PLEKHH1: variants seen among roughly 807,000 people sequenced by gnomAD.
The protein encoded by PLEKHH1 is pleckstrin homology, MyTH4 and FERM domain containing H1.
A neutral mutation model predicts 160.0 loss-of-function variants in PLEKHH1; 104 were observed. The observed-to-expected ratio is 0.65, with a 90% CI of 0.55 to 0.76. The LOEUF (loss-of-function observed/expected upper bound fraction) is 0.76. Ranked by LOEUF, PLEKHH1 falls within the 30% of genes least tolerant of loss-of-function variation. The pLI, the probability that PLEKHH1 is intolerant of heterozygous loss-of-function variation, is 0.00. For missense variants in PLEKHH1, 1,427 were observed against 1,724.1 expected, an observed-to-expected ratio of 0.83 and a Z score of 3.05; for synonymous variants, 619 against 678.4, an observed-to-expected ratio of 0.91 and a Z score of 1.36.
intron 4 of PLEKHH1, 129 bp downstream of exon 4, chr14:67,557,547 T>C: frequency 1.3e-6 from 1 of 758,676 alleles, no homozygotes; most frequent in Non-Finnish European, 2.0e-6. Flanking sequence ...GCCTATTCTT[T>C]TATGTGAAAA....
chr14:67,542,029 C>A, intron 2 of PLEKHH1, 36 bp downstream of exon 2: 4 of 1,558,522 alleles, frequency 2.6e-6, no homozygotes, highest in Non-Finnish European at 3.5e-6. Flanking sequence ...CCTCTCCACA[C>A]GCAGAGGTTT....
At chr14:67,541,183 T>G (rs532470929) in intron 1 of PLEKHH1, among the ~76,000 whole-genome samples, 13 of 152,256 alleles carry the variant, frequency 8.5e-5, no homozygotes, top group Non-Finnish European at 1.8e-4. Context: ...CATTATATTT[T>G]GTTTCCATTT....
Position 67,574,112 on chromosome 14 carries a change from AAGG to A in PLEKHH1, c.1927-126_1927-124del. On this transcript the variant is annotated intron_variant, in intron 13 of 28. Coordinates refer to ENST00000329153, the MANE Select transcript of PLEKHH1 (RefSeq NM_020715.3). The surrounding 1 kb of genome is among the most constrained non-coding windows in gnomAD (Gnocchi z 4.2). ...GGAGGAAAAGATGAGGAGGAAAAGA[AAGG>A]AGGGAGCACTAGGGCAGGCAGAAGG... 1.3e-6 allele frequency: 1 copy of A among 777,916 alleles called. No individual in the cohort carries two copies. The highest frequency in any genetic ancestry group is 2.1e-6 in the Non-Finnish European group (1 of 486,320). The allele number at this position is 777,916 out of a possible 1,614,324, so 48.2% of individuals were successfully genotyped here.
At chr14:67,559,541 C>T (rs1476192309) in intron 4 of PLEKHH1, 67 bp from the exon 5 acceptor site, 5 of 1,153,246 alleles carry the variant, frequency 4.3e-6, no homozygotes, top group Non-Finnish European at 6.4e-6. Flanking sequence ...CTTGGGGTTT[C>T]CCACCTCCAG....
Position 67,573,925 on chromosome 14 carries a change from G to C in PLEKHH1, c.1926+38G>C, listed in dbSNP as rs1355479370. ...CTGGCTGCTAGTATTTTAAACAGAA[G>C]AGGTGCTGGGTTTGGATATGGCCGT... On this transcript the variant is annotated intron_variant, in intron 13 of 28. Coordinates refer to ENST00000329153, the MANE Select transcript of PLEKHH1 (RefSeq NM_020715.3). This position sits in a 1 kb window ranked among gnomAD's most constrained non-coding sequence, Gnocchi z 4.8. The C allele has an allele frequency of 2.7e-6, 4 of 1,470,468 alleles. No individual in the cohort carries two copies. Among genetic ancestry groups the C allele is most frequent in the Non-Finnish European group, 3.8e-6 (4 of 1,048,696 alleles). The allele number at this position is 1,470,468 out of a possible 1,614,324, so 91.1% of individuals were successfully genotyped here.
intron 2 of PLEKHH1, among the ~76,000 whole-genome samples, chr14:67,545,512 A>T (rs1473631686): frequency 6.6e-6 from 1 of 152,228 alleles, no homozygotes; most frequent in Non-Finnish European, 1.5e-5. Flanking sequence ...TATTAAATAC[A>T]GATAGGGACA....
chr14:67,562,824 G>A lies in PLEKHH1; in HGVS notation c.1193G>A (p.Gly398Glu). 6.2e-7 allele frequency: 1 copy of A among 1,613,794 alleles called. No individual in the cohort carries two copies. Among genetic ancestry groups the A allele is most frequent in the South Asian group, 1.1e-5 (1 of 91,024 alleles). The change falls in exon 7 of 29, where the codon GGA (glycine) becomes GAA (glutamate). Residue 398 changes from glycine (G) to glutamate (E), a missense_variant. By Grantham distance (98) the Gly-to-Glu change is moderately conservative. This residue lies in a region of PLEKHH1 where 831 missense variants were observed against 929.2 expected (regional missense o/e 0.89). Transcript: ENST00000329153. ...GAAAGAGAGAGCCCAAAGGCCCTTGGAGCTGAGCTGGAGGAAGTGGAGCTG... is the reference window on the plus strand; with the variant it reads ...GAAAGAGAGAGCCCAAAGGCCCTTGAAGCTGAGCTGGAGGAAGTGGAGCTG... The part of the protein sequence containing the change: ...NEERESPKAL[G>E]AELEEVELGN...
At chr14:67,544,778 A>G (rs1437649687) in intron 2 of PLEKHH1, among the ~76,000 whole-genome samples, 1 of 152,234 alleles carries the variant, frequency 6.6e-6, no homozygotes, top group Non-Finnish European at 1.5e-5. Context: ...ACCATGGAAG[A>G]TAGACTTAAT....
rs775469500 is a variant in PLEKHH1 at position 67,541,906 on chromosome 14, C to T, written c.39C>T (p.Asp13=). 5 of 1,604,786 alleles carry T rather than the reference C, an allele frequency of 3.1e-6. No homozygotes were observed. The highest frequency in any genetic ancestry group is 4.3e-6 in the Non-Finnish European group (5 of 1,175,788). Residue 13 remains aspartate (D), a synonymous_variant, in exon 2 of 29, where the codon GAC becomes GAT. Transcript: ENST00000329153. The part of the protein sequence containing the change: ...ELKVEAPASV[D]WQKRCLTLET... ...AGGTGGAGGCGCCGGCCAGCGTAGA[C>T]TGGCAGAAACGCTGCCTGACCCTGG...
At chr14:67,546,878 A>T (rs531678492) in intron 2 of PLEKHH1, among the ~76,000 whole-genome samples, 56 of 151,966 alleles carry the variant, frequency 3.7e-4, no homozygotes, top group African/African-American at 1.0e-3. Context: ...ATATATATAT[A>T]TTTTTTCTCT....
chr14:67,541,045 A>C (rs2033945593), intron 1 of PLEKHH1, among the ~76,000 whole-genome samples: 1 of 152,178 alleles, frequency 6.6e-6, no homozygotes, highest in South Asian at 2.1e-4. Flanking sequence ...AATATCTAGC[A>C]GTTTTCTGGT....
rs755313093 is a variant in PLEKHH1, at chr14:67,571,748, G to A, written c.1435-4G>A. Reference sequence around the variant, plus strand: ...CTGCAGTGAGGGAGGGGCCTGTCTTGCAGAGAGCTACACAGATCAGCAACA... The same window carrying A: ...CTGCAGTGAGGGAGGGGCCTGTCTTACAGAGAGCTACACAGATCAGCAACA... On this transcript the variant is annotated splice_region_variant and splice_polypyrimidine_tract_variant and intron_variant, in intron 9 of 28. Coordinates refer to ENST00000329153, the MANE Select transcript of PLEKHH1 (RefSeq NM_020715.3). The A allele has an allele frequency of 1.9e-6, 3 of 1,612,110 alleles. No individual in the cohort carries two copies. Among genetic ancestry groups the A allele is most frequent in the African/African-American group, 2.7e-5 (2 of 74,838 alleles).
In PLEKHH1 at chr14:67,571,771, A is replaced by G; in HGVS notation, c.1454A>G (p.Asn485Ser). The G allele has an allele frequency of 1.2e-6, 2 of 1,613,970 alleles. No individual in the cohort carries two copies. Among genetic ancestry groups the G allele is most frequent in the African/African-American group, 2.7e-5 (2 of 75,038 alleles). ...TTGCAGAGAGCTACACAGATCAGCA[A>G]CATGCCCTTTATGGACGAGTCCTCT... Reference protein sequence around the residue: ...ALKGRATQISNMPFMDESSGS... With the variant: ...ALKGRATQISSMPFMDESSGS... The change falls in exon 10 of 29, where the codon AAC (asparagine) becomes AGC (serine). Residue 485 changes from asparagine to serine, a missense_variant. Coordinates refer to ENST00000329153, the MANE Select transcript of PLEKHH1 (RefSeq NM_020715.3).
At chr14:67,557,243 C>T (rs368561286) in intron 3 of PLEKHH1, 26 bp from the exon 4 acceptor site, 2 of 1,604,848 alleles carry the variant, frequency 1.2e-6, no homozygotes, top group Non-Finnish European at 1.7e-6. Context: ...GATGGGAAGA[C>T]ACTATGAGAT....
rs773775817 is a variant in PLEKHH1 at position 67,557,419 on chromosome 14, G to A, written c.339+1G>A. The A allele has an allele frequency of 6.2e-7, 1 of 1,612,554 alleles. No homozygotes were observed. The highest frequency in any genetic ancestry group is 1.1e-5 in the South Asian group (1 of 91,034). ...GCTAGAGGCTCAGCTGGAGAAGCAGGTAAGGGCTCATGCGCAAGGGAGCAC... is the reference window on the plus strand; with the variant it reads ...GCTAGAGGCTCAGCTGGAGAAGCAGATAAGGGCTCATGCGCAAGGGAGCAC... On this transcript the variant is annotated splice_donor_variant, in intron 4 of 28. Transcript: ENST00000329153. LOFTEE classifies it high-confidence loss of function.
chr14:67,572,613 C>G (rs552431615), intron 11 of PLEKHH1, among the ~76,000 whole-genome samples: 64 of 130,762 alleles, frequency 4.9e-4, no homozygotes, highest in African/African-American at 1.6e-3. Flanking sequence ...ATTTATTGAA[C>G]TCTTGGCACC....
Position 67,572,140 on chromosome 14 carries a change from T to C in PLEKHH1, c.1591T>C (p.Ser531Pro), listed in dbSNP as rs2035412846. The C allele has an allele frequency of 6.2e-7, 1 of 1,606,172 alleles. No individual in the cohort carries two copies. The highest frequency in any genetic ancestry group is 1.7e-5 in the Admixed American group (1 of 59,184). Residue 531 changes from serine (S) to proline (P), a missense_variant, in exon 11 of 29, where the codon TCC becomes CCC. By Grantham distance (74) the Ser-to-Pro change is moderately conservative. Coordinates refer to ENST00000329153, the MANE Select transcript of PLEKHH1 (RefSeq NM_020715.3). Reference sequence around the variant, plus strand: ...ACTCCTCCTCCCTCGGCAAGGCGTCTCCATGTCCTCACTGAGCTCCGAGGG... The same window carrying C: ...ACTCCTCCTCCCTCGGCAAGGCGTCCCCATGTCCTCACTGAGCTCCGAGGG... Reference protein sequence around the residue: ...GSPRAIKRGVSMSSLSSEGDY... With the variant: ...GSPRAIKRGVPMSSLSSEGDY...
intron 7 of PLEKHH1, 107 bp from the exon 8 acceptor site, chr14:67,569,031 C>T: frequency 4.3e-6 from 3 of 690,172 alleles, no homozygotes; most frequent in Non-Finnish European, 5.0e-6. Context: ...TCACTGCCCC[C>T]CACAGGTCTG....
intron 2 of PLEKHH1, among the ~76,000 whole-genome samples, chr14:67,552,539 G>T (rs972685046): frequency 3.9e-5 from 6 of 152,144 alleles, no homozygotes; most frequent in Non-Finnish European, 8.8e-5. Flanking sequence ...AGGCCGAGGT[G>T]GGCGGATCAC....
Sources: gnomAD v4.1 joint callset for allele counts (sites outside exome capture counted in the v4.1 genomes callset) on GRCh38, gnomAD v4.1.1 for gene constraint, gnomAD v4.1.1 regional missense constraint, Gnocchi (gnomAD v3.1) non-coding constraint, MANE v1.5 for transcripts, NCBI Gene and HGNC (gene_info 2026-07-23, HGNC 2026-07-21) for gene names.